CSMD1: variants seen among roughly 807,000 people sequenced by gnomAD.
The protein encoded by CSMD1 is CUB and Sushi multiple domains 1.
A neutral mutation model predicts 417.5 loss-of-function variants in CSMD1; 213 were observed. That is an observed-to-expected ratio of 0.51 (90% CI 0.46 to 0.57). The LOEUF (loss-of-function observed/expected upper bound fraction) is 0.57. CSMD1 is among the 20% of genes least tolerant of loss of function. The probability of loss-of-function intolerance (pLI) is 0.00; values close to 1 mark genes in which losing one functional copy is unlikely to be tolerated. For synonymous variants in CSMD1, 2,862 were observed against 1,736.8 expected (o/e 1.65, Z -16.11); for missense variants, 6,923 against 4,529.7 (o/e 1.53, Z -15.17).
rs1301724707 is a variant in CSMD1, at chr8:4,625,335, G to A, written c.302+12007C>T. Among the ~76,000 whole-genome samples, 10 of 152,040 alleles carry A rather than the reference G, an allele frequency of 6.6e-5. 1 individual carries two copies. The highest frequency in any genetic ancestry group is 1.3e-4 in the Non-Finnish European group (9 of 68,022). ...GGATGTCTTAAAAAGTCTCAATAGA[G>A]GGTCAAGTTTCAGTGCAAAATGTAA... On this transcript the variant is annotated intron_variant, in intron 2 of 69. Coordinates refer to ENST00000635120, the MANE Select transcript of CSMD1 (RefSeq NM_033225.6).
At chr8:3,226,668 G>A (rs762004134) in intron 27 of CSMD1, among the ~76,000 whole-genome samples, 1 of 151,752 alleles carries the variant, frequency 6.6e-6, no homozygotes, top group Non-Finnish European at 1.5e-5. Flanking sequence ...AACAGAGGAG[G>A]CTTCATGGTA....
chr8:4,756,669 G>C (rs1436875184), intron 1 of CSMD1, among the ~76,000 whole-genome samples: 1 of 152,158 alleles, frequency 6.6e-6, no homozygotes, highest in East Asian at 1.9e-4. Flanking sequence ...AGAAAAAATA[G>C]AAGCTAGACA....
chr8:4,146,868 C>T (rs1386462357), intron 3 of CSMD1, among the ~76,000 whole-genome samples: 1 of 145,426 alleles, frequency 6.9e-6, no homozygotes, highest in African/African-American at 2.8e-5. Flanking sequence ...CCTCAGCCTC[C>T]CAAAGTGCCG....
At chr8:4,092,453 A>T (rs1056861044) in intron 3 of CSMD1, among the ~76,000 whole-genome samples, 1 of 152,204 alleles carries the variant, frequency 6.6e-6, no homozygotes, top group Admixed American at 6.5e-5. Flanking sequence ...CCATATTATG[A>T]CACTCTTATC....
At chr8:3,332,616 T>C (rs1806977401) in intron 23 of CSMD1, among the ~76,000 whole-genome samples, 1 of 152,252 alleles carries the variant, frequency 6.6e-6, no homozygotes, top group Non-Finnish European at 1.5e-5. Flanking sequence ...AAGCAATGAA[T>C]TGTACATTCC....
At chr8:3,439,122 C>CAAAAAAAAAAAAA (rs1158997352) in intron 12 of CSMD1, among the ~76,000 whole-genome samples, 4 of 2,490 alleles carry the variant, frequency 1.6e-3, no homozygotes, top group Non-Finnish European at 2.3e-3. Context: ...GACTCCATCT[C>CAAAAAAAAAAAAA]AAAAAAAAAA....
intron 4 of CSMD1, among the ~76,000 whole-genome samples, chr8:4,013,657 T>C (rs1165563941): frequency 4.6e-5 from 7 of 152,232 alleles, no homozygotes; most frequent in African/African-American, 1.7e-4. Context: ...ATTAAAATGA[T>C]ATTTCTGCAA....
chr8:3,826,999 C>T (rs1036959089), intron 5 of CSMD1, among the ~76,000 whole-genome samples: 15 of 152,048 alleles, frequency 9.9e-5, no homozygotes, highest in African/African-American at 3.6e-4. Context: ...CCAAGCTGGT[C>T]TTGAACTCCT....
At chr8:3,949,699 G>C (rs1036469115) in intron 5 of CSMD1, among the ~76,000 whole-genome samples, 2 of 152,068 alleles carry the variant, frequency 1.3e-5, no homozygotes, top group African/African-American at 4.8e-5. Flanking sequence ...TATTATAAGG[G>C]CACATTTCCT....
intron 40 of CSMD1, 156 bp downstream of exon 40, chr8:3,151,241 A>G: frequency 1.8e-6 from 1 of 540,654 alleles, no homozygotes; most frequent in Non-Finnish European, 3.3e-6. Flanking sequence ...TTCCACTCTC[A>G]AAGTTACTCT....
chr8:4,747,642 T>A (rs567245129), intron 1 of CSMD1, among the ~76,000 whole-genome samples: 1 of 152,188 alleles, frequency 6.6e-6, no homozygotes, highest in Non-Finnish European at 1.5e-5. Flanking sequence ...ATCAACCTTC[T>A]GCTTTATACT....
At chr8:2,953,974 T>C (rs1205801630) in intron 65 of CSMD1, among the ~76,000 whole-genome samples, 2 of 152,260 alleles carry the variant, frequency 1.3e-5, no homozygotes, top group Non-Finnish European at 2.9e-5. Context: ...GAAGGCAAGT[T>C]TGAATGAAAC....
At chr8:4,982,622 A>C (rs2117439684) in intron 1 of CSMD1, among the ~76,000 whole-genome samples, 1 of 152,340 alleles carries the variant, frequency 6.6e-6, no homozygotes, top group Middle Eastern at 3.4e-3. Context: ...GTAAGAAGAA[A>C]TGATAGTCAC....
intron 3 of CSMD1, among the ~76,000 whole-genome samples, chr8:4,181,015 A>G (rs921512903): frequency 2.6e-5 from 4 of 152,186 alleles, no homozygotes; most frequent in Non-Finnish European, 5.9e-5. Flanking sequence ...ATAAAAGCAA[A>G]AAAGTCCAGC....
intron 3 of CSMD1, among the ~76,000 whole-genome samples, chr8:4,244,689 C>T (rs1404691951): frequency 6.6e-6 from 1 of 152,088 alleles, no homozygotes; most frequent in Non-Finnish European, 1.5e-5. Flanking sequence ...TATTTTCACA[C>T]ATCATTCCTC....
At chr8:4,672,163 G>A (rs948856662) in intron 1 of CSMD1, among the ~76,000 whole-genome samples, 1 of 152,194 alleles carries the variant, frequency 6.6e-6, no homozygotes, top group Non-Finnish European at 1.5e-5. Flanking sequence ...ATACCTGCTG[G>A]CTTCCATTTG....
intron 3 of CSMD1, among the ~76,000 whole-genome samples, chr8:4,176,503 T>C (rs572123649): frequency 1.3e-5 from 2 of 152,228 alleles, no homozygotes; most frequent in South Asian, 2.1e-4. Flanking sequence ...CTACTGGTTC[T>C]ATACCTTCAC....
chr8:2,978,222 G>A (rs1046441889), intron 55 of CSMD1, among the ~76,000 whole-genome samples: 6 of 152,156 alleles, frequency 3.9e-5, no homozygotes, highest in South Asian at 2.1e-4. Flanking sequence ...AGAGCACTTC[G>A]CCCACCTGGG....
At chr8:3,841,050 C>A (rs1803102256) in intron 5 of CSMD1, among the ~76,000 whole-genome samples, 2 of 151,936 alleles carry the variant, frequency 1.3e-5, no homozygotes, top group Non-Finnish European at 2.9e-5. Context: ...GGCAAAATTC[C>A]AGGACAAACA....
Sources: allele counts gnomAD v4.1 joint callset (sites outside exome capture counted in the v4.1 genomes callset), GRCh38; gene constraint gnomAD v4.1.1; transcripts MANE v1.5; gene names NCBI Gene and HGNC (gene_info 2026-07-23, HGNC 2026-07-21).